The following SLIT3 variants were observed in gnomAD, a reference collection of about 807,000 sequenced individuals.
SLIT3 encodes the protein slit guidance ligand 3.
A neutral mutation model predicts 184.0 loss-of-function variants in SLIT3; 68 were observed. That is an observed-to-expected ratio of 0.37 (90% confidence interval 0.30 to 0.45). The LOEUF is 0.45. Ranked by LOEUF, SLIT3 falls within the 20% of genes least tolerant of loss-of-function variation. SLIT3 has a pLI of 1.00. For missense variants in SLIT3, 1,707 were observed against 2,026.0 expected (o/e 0.84, Z 3.02); for synonymous variants, 831 against 828.6 (o/e 1.00, Z -0.05).
chr5:168,984,520 G>C (rs1019989243), intron 4 of SLIT3, among the ~76,000 whole-genome samples: 2 of 152,104 alleles, frequency 1.3e-5, no homozygotes, highest in African/African-American at 2.4e-5. Flanking sequence ...CCTCCAAGCT[G>C]TCTGTATAAG....
intron 1 of SLIT3, among the ~76,000 whole-genome samples, chr5:169,271,445 T>G (rs1766607964): frequency 6.6e-6 from 1 of 152,178 alleles, no homozygotes; most frequent in Admixed American, 6.5e-5. Flanking sequence ...TAAAGGCTCC[T>G]CTCTTGAATG....
At chr5:169,263,643 G>A (rs754380507) in intron 1 of SLIT3, 1 of 501,220 alleles carries the variant, frequency 2.0e-6, no homozygotes, top group Non-Finnish European at 4.0e-6. Context: ...CAACGTTCAG[G>A]CTTTCTCTGG....
chr5:169,008,243 G>C (rs990730536), intron 4 of SLIT3, among the ~76,000 whole-genome samples: 1 of 152,168 alleles, frequency 6.6e-6, no homozygotes, highest in African/African-American at 2.4e-5. Flanking sequence ...TCATAGAAAA[G>C]GGATCTCTAG....
At chr5:168,697,462 A>G (rs1762096704) in intron 27 of SLIT3, among the ~76,000 whole-genome samples, 1 of 152,210 alleles carries the variant, frequency 6.6e-6, no homozygotes, top group Admixed American at 6.5e-5. Flanking sequence ...ATCTGATTAA[A>G]TAAATGCTGC....
intron 5 of SLIT3, among the ~76,000 whole-genome samples, chr5:168,872,090 G>A (rs1323632838): frequency 6.6e-6 from 1 of 152,184 alleles, no homozygotes; most frequent in Non-Finnish European, 1.5e-5. Flanking sequence ...CCTGCTCTAT[G>A]CACTTTGACA....
At chr5:168,971,828 T>C (rs529582230) in intron 4 of SLIT3, among the ~76,000 whole-genome samples, 1 of 152,336 alleles carries the variant, frequency 6.6e-6, no homozygotes, top group East Asian at 1.9e-4. Context: ...CCCTTGAGCA[T>C]ATTCCATGAG....
At chr5:168,752,776 G>A (rs77225018) in intron 18 of SLIT3, 179 bp downstream of exon 18, 82,830 of 603,550 alleles carry the variant, frequency 0.14, 6,435 homozygotes, top group East Asian at 0.24. Flanking sequence ...AGGAGGGGCC[G>A]GGTGTGTGCA....
rs777145612 is a variant in SLIT3 at position 169,237,592 on chromosome 5, C to T, written c.341+7113G>A. On this transcript the variant is annotated intron_variant, in intron 3 of 35. Transcript: ENST00000519560. ...TAGCATTGTCAATTTTTTAAATTTT[C>T]ACCACTGTAATAGGTGTGTAGTAGT... is the stretch of plus-strand genomic sequence containing the variant. Among the ~76,000 whole-genome samples the T allele has an allele frequency of 9.8e-4, 149 of 152,298 alleles. 1 individual carries two copies. Among genetic ancestry groups the T allele is most frequent in the Non-Finnish European group, 1.8e-3 (121 of 68,028 alleles).
chr5:168,804,118 C>A (rs1756867098), intron 9 of SLIT3, among the ~76,000 whole-genome samples: 2 of 151,440 alleles, frequency 1.3e-5, no homozygotes, highest in African/African-American at 4.9e-5. Context: ...ACCAGCCTGG[C>A]CAACATGATA....
Position 169,118,083 on chromosome 5 carries a change from C to T in SLIT3, c.413+75396G>A, listed in dbSNP as rs571403044. 8.3e-4 allele frequency among the ~76,000 whole-genome samples: 127 copies of T among 152,202 alleles called. No homozygotes were observed. In the South Asian group the frequency reaches 0.025, roughly 30 times the overall value. On this transcript the variant is annotated intron_variant, in intron 4 of 35. Coordinates refer to ENST00000519560, the MANE Select transcript of SLIT3 (RefSeq NM_003062.4). ...ATCCCAGTGCTTTGGGAGGCCAAGG[C>T]GGGAGGATCACTTGAGCCCAGGAGT...
In SLIT3 at chr5:168,671,407, G is replaced by A. The variant is rs1582511364; in HGVS notation, c.3918C>T (p.Ile1306=). 6.2e-7 allele frequency: 1 copy of A among 1,614,118 alleles called. No homozygotes were observed. Among genetic ancestry groups the A allele is most frequent in the Non-Finnish European group, 8.5e-7 (1 of 1,180,018 alleles). The change falls in exon 34 of 36, where the codon ATC becomes ATT. Residue 1306 remains isoleucine (I), a synonymous_variant. Transcript: ENST00000519560. ...DRPLGGFHGC[I]HEVRINNELQ... ...GCTCGTTGTTGATGCGCACCTCATG[G>A]ATGCATCCGTGGAAGCCGCCTAGAG...
chr5:169,036,927 C>T (rs1206846095), intron 4 of SLIT3, among the ~76,000 whole-genome samples: 2 of 152,174 alleles, frequency 1.3e-5, no homozygotes, highest in Non-Finnish European at 2.9e-5. Flanking sequence ...GTGTTCATGC[C>T]TAGACACTTT....
chr5:168,755,389 ATT>A (rs1213373035), intron 16 of SLIT3, among the ~76,000 whole-genome samples: 1 of 133,640 alleles, frequency 7.5e-6, no homozygotes, highest in Non-Finnish European at 1.7e-5. Context: ...CAGTGCCGCC[ATT>A]TCTTTCTTTC....
At chr5:168,762,834 C>T (rs1755207261) in intron 14 of SLIT3, 145 bp from the exon 15 acceptor site, 1 of 756,818 alleles carries the variant, frequency 1.3e-6, no homozygotes, top group Non-Finnish European at 2.2e-6. Context: ...ATCGCCTTTG[C>T]TATATGGCCA....
intron 4 of SLIT3, among the ~76,000 whole-genome samples, chr5:168,889,007 C>A (rs1760333275): frequency 6.6e-6 from 1 of 152,158 alleles, no homozygotes. Flanking sequence ...TTACATAAAG[C>A]TGCACTCTTT....
chr5:169,097,820 C>A (rs1303837881), intron 4 of SLIT3, among the ~76,000 whole-genome samples: 1 of 152,160 alleles, frequency 6.6e-6, no homozygotes, highest in Non-Finnish European at 1.5e-5. Flanking sequence ...TTTGTTAGGT[C>A]CAAACCCTGC....
chr5:168,841,159 A>T (rs1013384570), intron 6 of SLIT3, among the ~76,000 whole-genome samples: 7 of 152,234 alleles, frequency 4.6e-5, no homozygotes, highest in African/African-American at 1.4e-4. Flanking sequence ...AGCCTTGGCA[A>T]CATGCATCCA....
intron 4 of SLIT3, among the ~76,000 whole-genome samples, chr5:168,943,358 T>G (rs1762380505): frequency 6.6e-6 from 1 of 152,208 alleles, no homozygotes; most frequent in South Asian, 2.1e-4. Context: ...GATACAATTC[T>G]CATAGGGAAT....
intron 12 of SLIT3, among the ~76,000 whole-genome samples, chr5:168,783,153 A>G (rs544966687): frequency 6.6e-6 from 1 of 152,250 alleles, no homozygotes; most frequent in African/African-American, 2.4e-5. Context: ...GTTCCTTTGA[A>G]CGCTAAGATT....
Sources: gnomAD v4.1 joint callset for allele counts (sites outside exome capture counted in the v4.1 genomes callset) on GRCh38, gnomAD v4.1.1 for gene constraint, MANE v1.5 for transcripts, NCBI Gene and HGNC (gene_info 2026-07-23, HGNC 2026-07-21) for gene names.